MED14: variants seen among roughly 807,000 people sequenced by gnomAD.
The protein encoded by MED14 is mediator of RNA polymerase II transcription subunit 14.
A neutral mutation model predicts 109.0 loss-of-function variants in MED14; 8 were observed. That is an observed-to-expected ratio of 0.07 (90% CI 0.04 to 0.13). The LOEUF (loss-of-function observed/expected upper bound fraction) is 0.13, where lower values mean the gene tolerates loss of function less well. Ranked by LOEUF, MED14 falls within the 10% of genes least tolerant of loss-of-function variation. The pLI is 1.00. For synonymous variants in MED14, 399 were observed against 408.7 expected, an observed-to-expected ratio of 0.98 and a Z score of 0.29; for missense variants, 711 against 1,142.4, an observed-to-expected ratio of 0.62 and a Z score of 5.44.
rs1932230353 is a variant in MED14 at position 40,735,454 on chromosome X, GTCC to G, written c.-45_-43del. The G allele has an allele frequency of 9.1e-7, 1 of 1,093,372 alleles. No individual in the cohort carries two copies. The highest frequency in any genetic ancestry group is 2.0e-5 in the South Asian group (1 of 50,484). 90.1% of individuals were successfully genotyped at this position (1,093,372 alleles called of 1,213,427 possible). On this transcript the variant is annotated 5_prime_UTR_variant, in exon 1 of 31. Coordinates refer to ENST00000324817, the MANE Select transcript of MED14 (RefSeq NM_004229.4). ...GCTTGGCGCAACGGCACACGATGCG[GTCC>G]TCGAGCCTCCCGGGCGCTCGGTCAC...
At position 40,682,889 on chromosome X, in the gene MED14, G is replaced by C. The variant is rs1300802910; in HGVS notation, c.2165C>G (p.Ala722Gly). The C allele has an allele frequency of 8.3e-7, 1 of 1,210,052 alleles. No individual in the cohort carries two copies. The highest frequency in any genetic ancestry group is 1.1e-6 in the Non-Finnish European group (1 of 894,935). ...LQGRNNRTWVAELVFANCPLN... is the reference protein window; with the variant it reads ...LQGRNNRTWVGELVFANCPLN... ...TGGACAATTTGCAAACACTAACTCTGCTACCCAAGTGCGGTTATTTCTACC... is the reference window on the plus strand; with the variant it reads ...TGGACAATTTGCAAACACTAACTCTCCTACCCAAGTGCGGTTATTTCTACC... The change falls in exon 17 of 31, where the codon GCA becomes GGA. Residue 722 changes from alanine (A) to glycine (G), a missense_variant. Physicochemically the swap from Ala to Gly is moderately conservative, Grantham distance 60. Coordinates refer to ENST00000324817, the MANE Select transcript of MED14 (RefSeq NM_004229.4).
At position 40,649,394 on chromosome X, in the gene MED14, GTAC is replaced by G; in HGVS notation, c.*2409_*2411del. ...TCTCACTTTTCTTCTAATTCTGAAA[GTAC>G]TTTTATACATTCTGAAATGGCATTT... On this transcript the variant is annotated 3_prime_UTR_variant, in exon 31 of 31. Transcript: ENST00000324817. The G allele has an allele frequency of 6.5e-6, 1 of 154,441 alleles. No homozygotes were observed. Among genetic ancestry groups the G allele is most frequent in the Non-Finnish European group, 1.2e-5 (1 of 81,432 alleles). The allele number at this position is 154,441 out of a possible 1,213,427, so 12.7% of individuals were successfully genotyped here.
At chrX:40,676,604 G>A (rs767013918) in intron 21 of MED14, among the ~76,000 whole-genome samples, 4 of 111,814 alleles carry the variant, frequency 3.6e-5, no homozygotes, top group Non-Finnish European at 7.5e-5. Flanking sequence ...TTGGCTCTGT[G>A]TCCCCACCCG....
intron 26 of MED14, among the ~76,000 whole-genome samples, chrX:40,661,724 G>A (rs1041128148): frequency 1.8e-5 from 2 of 111,967 alleles, no homozygotes; most frequent in African/African-American, 6.5e-5. Flanking sequence ...ACAAACCCAG[G>A]CAGCCTGACT....
Position 40,659,309 on chromosome X carries a change from T to G in MED14, c.3890A>C (p.Asn1297Thr). The G allele has an allele frequency of 8.5e-7, 1 of 1,169,902 alleles. No homozygotes were observed. Residue 1297 changes from asparagine (N) to threonine (T), a missense_variant, in exon 28 of 31, where the codon AAT becomes ACT. This residue lies in a region of MED14 where 54 missense variants were observed against 129.6 expected (regional missense o/e 0.42). Coordinates refer to ENST00000324817, the MANE Select transcript of MED14 (RefSeq NM_004229.4). ...TRVAGPPFKA[N>T]TLIAFTKLLG... ...TAGCTTGGTGAAGGCTATTAACGTA[T>G]TAGCTTTAAATGGTGGTCCTGCAAC...
chrX:40,722,525 GAA>G lies in MED14; in HGVS notation c.348+4219_348+4220del, dbSNP rs757524915. Among the ~76,000 whole-genome samples, 274 of 111,722 alleles carry G rather than the reference GAA, an allele frequency of 2.5e-3. 1 individual carries two copies. The highest frequency in any genetic ancestry group is 8.8e-3 in the African/African-American group (270 of 30,811). On this transcript the variant is annotated intron_variant, in intron 3 of 30. Transcript: ENST00000324817. ...AGTTACTGGCCTTAGAGAGGAGGCAGAAAAAGAGAGATAAGGGCAGTAAGTTT... is the reference window on the plus strand; with the variant it reads ...AGTTACTGGCCTTAGAGAGGAGGCAGAAAGAGAGATAAGGGCAGTAAGTTT...
rs1930536527 is a variant in MED14 at position 40,692,117 on chromosome X, C to T, written c.1980+66G>A. On this transcript the variant is annotated intron_variant, in intron 15 of 30. Transcript: ENST00000324817. ...TTTCCTAATGGAATCTATATATACC[C>T]TCAGCAACACATTTTAAAAACTACT... 4.8e-6 allele frequency: 5 copies of T among 1,051,479 alleles called. No individual in the cohort carries two copies. In the African/African-American group the frequency reaches 7.4e-5, roughly 16 times the overall value. The allele number at this position is 1,051,479 out of a possible 1,213,427, so 86.7% of individuals were successfully genotyped here. A position where few individuals can be genotyped will look rare whatever the true frequency, so the allele number is the denominator to read the frequency against.
chrX:40,735,638 G>T (rs1602503294), upstream of MED14: 1 of 496,461 alleles, frequency 2.0e-6, no homozygotes, highest in African/African-American at 2.3e-5. Context: ...GCGGGGATGG[G>T]GGGGAAGCAG....
chrX:40,674,293 T>G (rs762737058), intron 22 of MED14, among the ~76,000 whole-genome samples: 6 of 111,438 alleles, frequency 5.4e-5, no homozygotes, highest in Non-Finnish European at 1.1e-4. Flanking sequence ...TAACCCTAAA[T>G]AGCTGCCAGG....
chrX:40,714,023 T>C, intron 4 of MED14, 116 bp from the exon 5 acceptor site: 2 of 761,358 alleles, frequency 2.6e-6, no homozygotes, highest in East Asian at 3.4e-5. Context: ...TTAACACTCA[T>C]TTCTGCAGTC....
intron 20 of MED14, among the ~76,000 whole-genome samples, chrX:40,680,520 G>A (rs943842375): frequency 9.0e-5 from 10 of 111,363 alleles, no homozygotes; most frequent in Admixed American, 1.9e-4. Context: ...CCAGGCTCAG[G>A]TGATCCTCCC....
intron 30 of MED14, 62 bp downstream of exon 30, chrX:40,654,302 G>A (rs958795460): frequency 1.5e-5 from 15 of 1,024,254 alleles, no homozygotes; most frequent in Non-Finnish European, 2.0e-5. Flanking sequence ...GGAGAAAGGG[G>A]TGTCTCTCAA....
intron 21 of MED14, among the ~76,000 whole-genome samples, chrX:40,676,343 A>G (rs1449752167): frequency 1.8e-5 from 2 of 112,121 alleles, no homozygotes; most frequent in African/African-American, 6.5e-5. Context: ...CACACATTGC[A>G]TTCTTTCCCC....
At chrX:40,735,585 G>T, upstream of MED14, 2 of 527,474 alleles carry the variant, frequency 3.8e-6, no homozygotes, top group Non-Finnish European at 6.6e-6. Flanking sequence ...CATGTAGCGA[G>T]AAGTCCGCCG....
rs1929878495 is a variant in MED14, at chrX:40,675,324, G to A, written c.2918C>T (p.Ala973Val). The change falls in exon 22 of 31, where the codon GCT becomes GTT. Residue 973 changes from alanine to valine, a missense_variant. Transcript: ENST00000324817. ...LNMFVDSNQDARRRSVNEDDN... is the reference protein window; with the variant it reads ...LNMFVDSNQDVRRRSVNEDDN... ...GTCCTCATTTACAGACCTTCTTCGAGCATCCTGATTGCTGTCAACAAACAT... is the reference window on the plus strand; with the variant it reads ...GTCCTCATTTACAGACCTTCTTCGAACATCCTGATTGCTGTCAACAAACAT... 2 of 1,194,893 alleles carry A rather than the reference G, an allele frequency of 1.7e-6. No individual in the cohort carries two copies. The highest frequency in any genetic ancestry group is 2.3e-6 in the Non-Finnish European group (2 of 887,968).
chrX:40,652,101 C>T (rs1602437747), intron 30 of MED14, among the ~76,000 whole-genome samples: 1 of 111,873 alleles, frequency 8.9e-6, no homozygotes, highest in South Asian at 3.6e-4. Flanking sequence ...TCAAGCAAGT[C>T]CCAGTTAGGT....
chrX:40,735,527 G>T lies in MED14; in HGVS notation c.-115C>A. 1 of 732,569 alleles carries T rather than the reference G, an allele frequency of 1.4e-6. No individual in the cohort carries two copies. The highest frequency in any genetic ancestry group is 2.1e-5 in the African/African-American group (1 of 48,057). 60.4% of individuals were successfully genotyped at this position (732,569 alleles called of 1,213,427 possible). On this transcript the variant is annotated 5_prime_UTR_variant, in exon 1 of 31. Coordinates refer to ENST00000324817, the MANE Select transcript of MED14 (RefSeq NM_004229.4). ...GCAGAGTCGCCACCGCCTACCGCCGGGCCGCCTCAGAACAGGAAGCCGTGC... is the reference window on the plus strand; with the variant it reads ...GCAGAGTCGCCACCGCCTACCGCCGTGCCGCCTCAGAACAGGAAGCCGTGC...
At chrX:40,707,859 C>A (rs987964419) in intron 10 of MED14, among the ~76,000 whole-genome samples, 3 of 111,459 alleles carry the variant, frequency 2.7e-5, no homozygotes, top group African/African-American at 6.5e-5. Flanking sequence ...GATAGTTGCA[C>A]AACTCTTTCA....
chrX:40,736,123 G>T (rs997559464), upstream of MED14, among the ~76,000 whole-genome samples: 2 of 111,901 alleles, frequency 1.8e-5, no homozygotes, highest in African/African-American at 6.5e-5. Flanking sequence ...GCGAAGAAAT[G>T]GGAGCGGCCG....
Sources: allele counts gnomAD v4.1 joint callset (sites outside exome capture counted in the v4.1 genomes callset), GRCh38; gene constraint gnomAD v4.1.1; regional missense constraint gnomAD v4.1.1; transcripts MANE v1.5; gene names NCBI Gene and HGNC (gene_info 2026-07-23, HGNC 2026-07-21).